Variants in SORBS2 observed in about 807,000 individuals in gnomAD.
SORBS2 encodes the protein sorbin and SH3 domain-containing protein 2.
SORBS2 carries 46 observed loss-of-function variants against 97.7 expected under a neutral mutation model. That is an observed-to-expected ratio of 0.47 (90% CI 0.37 to 0.60). The LOEUF (loss-of-function observed/expected upper bound fraction) is 0.60, where lower values mean the gene tolerates loss of function less well. SORBS2 is among the 20% of genes least tolerant of loss of function. The probability of loss-of-function intolerance (pLI) is 0.00; values close to 1 mark genes in which losing one functional copy is unlikely to be tolerated. For missense variants in SORBS2, 1,316 were observed against 1,282.3 expected (o/e 1.03, Z -0.40); for synonymous variants, 476 against 473.4 (o/e 1.01, Z -0.07).
intron 1 of SORBS2, among the ~76,000 whole-genome samples, chr4:185,781,131 T>G (rs1230702190): frequency 6.6e-6 from 1 of 152,056 alleles, no homozygotes; most frequent in Non-Finnish European, 1.5e-5. Flanking sequence ...AGAGACGGGT[T>G]TCACCATGTT....
At chr4:185,790,598 A>G (rs1306401172) in intron 1 of SORBS2, among the ~76,000 whole-genome samples, 2 of 152,302 alleles carry the variant, frequency 1.3e-5, no homozygotes, top group East Asian at 3.9e-4. Context: ...ATGAACTCAT[A>G]TTTTACTCAA....
exon 7 of SORBS2, chr4:185,624,360 T>G: frequency 6.2e-7 from 1 of 1,614,228 alleles, no homozygotes; most frequent in South Asian, 1.1e-5. Context: ...TTCTTGAAAC[T>G]AATGGCTCTT....
intron 1 of SORBS2, among the ~76,000 whole-genome samples, chr4:185,866,288 T>G (rs2099226842): frequency 6.6e-6 from 1 of 152,214 alleles, no homozygotes; most frequent in Admixed American, 6.5e-5. Flanking sequence ...ACCAGGAAGC[T>G]GAAATGGAGA....
chr4:185,704,975 G>A lies in SORBS2; in HGVS notation c.-197-26153C>T, dbSNP rs139374104. Among the ~76,000 whole-genome samples the A allele has an allele frequency of 7.5e-4, 114 of 152,328 alleles. No homozygotes were observed. The East Asian group carries it at 7.9e-3, about 11-fold the overall frequency. ...CAGCAATGGATCCGAAATGGATGAT[G>A]ATGTTCCAGTGTCACACAGGTAGGG... On this transcript the variant is annotated intron_variant, in intron 2 of 20. Coordinates refer to the SORBS2 transcript ENST00000284776.
At chr4:185,845,689 C>T (rs972258021) in intron 1 of SORBS2, among the ~76,000 whole-genome samples, 3 of 151,938 alleles carry the variant, frequency 2.0e-5, no homozygotes, top group East Asian at 1.9e-4. Context: ...AAAGAATGTA[C>T]ACAACTCAAC....
chr4:185,766,756 A>G (rs1369493970), intron 2 of SORBS2, among the ~76,000 whole-genome samples: 1 of 152,224 alleles, frequency 6.6e-6, no homozygotes, highest in East Asian at 1.9e-4. Flanking sequence ...GGGCATGTCA[A>G]GATCTAGCAT....
intron 1 of SORBS2, among the ~76,000 whole-genome samples, chr4:185,788,647 T>C (rs1292294597): frequency 1.3e-5 from 2 of 152,214 alleles, no homozygotes; most frequent in Non-Finnish European, 2.9e-5. Flanking sequence ...TGGTGAATTT[T>C]ATAATTATAC....
intron 1 of SORBS2, among the ~76,000 whole-genome samples, chr4:185,889,580 G>A (rs193106494): frequency 6.6e-6 from 1 of 151,856 alleles, no homozygotes; most frequent in African/African-American, 2.4e-5. Flanking sequence ...GTTTAAAATC[G>A]GTATCATTCC....
intron 1 of SORBS2, among the ~76,000 whole-genome samples, chr4:185,937,159 G>A (rs975182274): frequency 2.0e-5 from 3 of 150,818 alleles, no homozygotes; most frequent in South Asian, 2.1e-4. Context: ...CATTCATCTC[G>A]TGCTTCTGCC....
At chr4:185,658,428 T>C (rs943750564), upstream of SORBS2, among the ~76,000 whole-genome samples, 2 of 152,208 alleles carry the variant, frequency 1.3e-5, no homozygotes, top group Non-Finnish European at 2.9e-5. Flanking sequence ...AAAATCATCA[T>C]TATTACCGTT....
intron 4 of SORBS2, 42 bp downstream of exon 13, chr4:185,646,626 G>T: frequency 7.9e-7 from 1 of 1,262,304 alleles, no homozygotes; most frequent in Non-Finnish European, 1.2e-6. Flanking sequence ...AGCCCTGGGA[G>T]CCCAGCGAGC....
At chr4:185,836,069 A>G in intron 1 of SORBS2, among the ~76,000 whole-genome samples, 1 of 152,162 alleles carries the variant, frequency 6.6e-6, no homozygotes, top group East Asian at 1.9e-4. Flanking sequence ...GAACCCAAAT[A>G]CGAATGTAAT....
At chr4:185,755,333 C>A (rs2098824270) in intron 2 of SORBS2, among the ~76,000 whole-genome samples, 1 of 152,232 alleles carries the variant, frequency 6.6e-6, no homozygotes, top group Non-Finnish European at 1.5e-5. Context: ...GCATTTTCAT[C>A]TGAATAAGGG....
At position 185,845,143 on chromosome 4, in the gene SORBS2, C is replaced by T. The variant is rs2099213833; in HGVS notation, c.-337-69777G>A. Among the ~76,000 whole-genome samples the T allele has an allele frequency of 2.0e-5, 3 of 151,756 alleles. 1 individual carries two copies. Among genetic ancestry groups the T allele is most frequent in the South Asian group, 4.2e-4 (2 of 4,802 alleles). On this transcript the variant is annotated intron_variant, in intron 1 of 20. Transcript: ENST00000284776. The stretch of plus-strand genomic sequence containing the variant: ...TTCTCCCACCTCAGCCCCCCTAGTA[C>T]CTGGGACTACTAGTGGACACCACCA...
rs559624899 is a variant in SORBS2, at chr4:185,609,291, T to C, written c.2796+2489A>G. 2.0e-4 allele frequency among the ~76,000 whole-genome samples: 30 copies of C among 152,342 alleles called. No individual in the cohort carries two copies. The South Asian group carries it at 6.2e-3, about 32-fold the overall frequency. On this transcript the variant is annotated intron_variant, in intron 12 of 14. Coordinates refer to ENST00000418609, the Ensembl canonical transcript of SORBS2. ...ACACAGAAGTTTTCATAGTTAGATT[T>C]GGAAAGTCTGTGAAATATATAATAA...
chr4:185,928,739 G>A (rs966381409), intron 1 of SORBS2, among the ~76,000 whole-genome samples: 2 of 152,090 alleles, frequency 1.3e-5, no homozygotes, highest in Non-Finnish European at 2.9e-5. Flanking sequence ...GTAGAGACGG[G>A]GTTTCACCGT....
At chr4:185,834,954 G>A (rs2099207199) in intron 1 of SORBS2, among the ~76,000 whole-genome samples, 1 of 152,208 alleles carries the variant, frequency 6.6e-6, no homozygotes, top group Admixed American at 6.5e-5. Context: ...TGTTAGAGGT[G>A]GGACTGGTGG....
At chr4:185,806,433 CCTATTTTTTTTTTTT>C (rs1407218447) in intron 1 of SORBS2, among the ~76,000 whole-genome samples, 3 of 134,312 alleles carry the variant, frequency 2.2e-5, no homozygotes, top group Non-Finnish European at 3.1e-5. Flanking sequence ...TGGCTAGAAT[CCTATTTTTTTTTTTT>C]TTTTTTTTTT....
At chr4:185,655,292 T>TGCA (rs749727337) in intron 1 of SORBS2, among the ~76,000 whole-genome samples, 1 of 152,266 alleles carries the variant, frequency 6.6e-6, no homozygotes, top group Non-Finnish European at 1.5e-5. Flanking sequence ...AAAACGATAC[T>TGCA]GCAGCATGGT....
Sources: gnomAD v4.1 joint callset for allele counts (sites outside exome capture counted in the v4.1 genomes callset) on GRCh38, gnomAD v4.1.1 for gene constraint, MANE v1.5 for transcripts, NCBI Gene and HGNC (gene_info 2026-07-23, HGNC 2026-07-21) for gene names.